The following MYRIP variants were observed in gnomAD, a reference collection of about 807,000 sequenced individuals.
The protein encoded by MYRIP is myosin VIIA and Rab interacting protein.
Under a neutral mutation model 98.0 loss-of-function variants are expected in MYRIP, and 49 were observed. The observed-to-expected ratio is 0.50, with a 90% CI of 0.40 to 0.63. MYRIP has a LOEUF of 0.63. MYRIP is among the 30% of genes least tolerant of loss of function. MYRIP has a pLI of 0.00. For synonymous variants in MYRIP, 404 were observed against 409.5 expected (o/e 0.99, Z 0.16); for missense variants, 1,004 against 1,058.2 (o/e 0.95, Z 0.71).
chr3:39,857,770 A>T (rs1336185882), intron 1 of MYRIP, among the ~76,000 whole-genome samples: 1 of 152,208 alleles, frequency 6.6e-6, no homozygotes, highest in Non-Finnish European at 1.5e-5. Flanking sequence ...CAAGAGCAAA[A>T]TTATAGTTAT....
rs1286951982 is a variant in MYRIP, at chr3:40,166,878, C to T, written c.583C>T (p.Leu195=). 5.0e-6 allele frequency: 8 copies of T among 1,613,840 alleles called. No individual in the cohort carries two copies. In the South Asian group the frequency reaches 6.6e-5, roughly 13 times the overall value. The part of the protein sequence containing the change: ...HSVMDTLAVA[L]RVAEEAIEEA... The stretch of plus-strand genomic sequence containing the variant: ...TGTGATGGACACCTTGGCTGTGGCC[C>T]TACGGGTGGCTGAAGAGGCCATTGA... The change falls in exon 6 of 17, where the codon CTA becomes TTA. Residue 195 remains leucine, a synonymous_variant. Transcript: ENST00000302541.
At chr3:40,203,996 TATATTATATATTATATATA>T (rs1419664218) in intron 10 of MYRIP, among the ~76,000 whole-genome samples, 1 of 1,042 alleles carries the variant, frequency 9.6e-4, no homozygotes, top group African/African-American at 2.5e-3. Flanking sequence ...ATATATTATA[TATATTATATATTATATATA>T]ATATATATTA....
chr3:39,879,159 T>C (rs1176462480), intron 1 of MYRIP, among the ~76,000 whole-genome samples: 1 of 151,850 alleles, frequency 6.6e-6, no homozygotes, highest in Non-Finnish European at 1.5e-5. Context: ...TATTTTATTC[T>C]TTGAGTTCTT....
At chr3:39,865,529 C>G (rs1400438111) in intron 1 of MYRIP, among the ~76,000 whole-genome samples, 3 of 152,272 alleles carry the variant, frequency 2.0e-5, no homozygotes, top group East Asian at 1.9e-4. Context: ...TTAACAGACA[C>G]TTTTCAAAAC....
chr3:39,903,392 CT>C (rs1309272189), intron 2 of MYRIP, among the ~76,000 whole-genome samples: 1 of 152,048 alleles, frequency 6.6e-6, no homozygotes, highest in African/African-American at 2.4e-5. Flanking sequence ...AATTAGTTTC[CT>C]TTTCCCCCGA....
intron 2 of MYRIP, among the ~76,000 whole-genome samples, chr3:39,911,009 G>A (rs758838104): frequency 8.6e-5 from 13 of 151,946 alleles, no homozygotes; most frequent in South Asian, 4.1e-4. Flanking sequence ...TCAGTGTTGG[G>A]TTTATTACAC....
At chr3:40,169,464 C>T (rs1435758048) in intron 7 of MYRIP, among the ~76,000 whole-genome samples, 1 of 152,172 alleles carries the variant, frequency 6.6e-6, no homozygotes, top group African/African-American at 2.4e-5. Flanking sequence ...TCTGGTGACT[C>T]TTGGTGTCTA....
At chr3:39,991,765 C>A (rs1403116069) in intron 2 of MYRIP, among the ~76,000 whole-genome samples, 2 of 152,128 alleles carry the variant, frequency 1.3e-5, no homozygotes, top group Non-Finnish European at 2.9e-5. Context: ...GTCCCCTTAT[C>A]CTGCTCTATA....
intron 3 of MYRIP, among the ~76,000 whole-genome samples, chr3:40,096,467 A>G (rs960149940): frequency 1.3e-5 from 2 of 152,230 alleles, no homozygotes; most frequent in Non-Finnish European, 2.9e-5. Flanking sequence ...TCATAAATCA[A>G]TGCAGGAACC....
Position 39,874,878 on chromosome 3 carries a change from C to T in MYRIP, c.-30-25909C>T, listed in dbSNP as rs532014791. 7.3e-3 allele frequency among the ~76,000 whole-genome samples: 1,115 copies of T among 152,150 alleles called. 10 individuals are homozygous for T. The highest frequency in any genetic ancestry group is 0.016 in the South Asian group (78 of 4,814). ...CATAAAATGAGTAAGGGAAGATTCC[C>T]TCTTTTTCTATTGATTGGAATAGTT... On this transcript the variant is annotated intron_variant, in intron 1 of 16. Coordinates refer to ENST00000302541, the MANE Select transcript of MYRIP (RefSeq NM_015460.4).
chr3:39,843,853 T>C (rs1327553112), intron 1 of MYRIP, among the ~76,000 whole-genome samples: 2 of 152,162 alleles, frequency 1.3e-5, no homozygotes, highest in African/African-American at 4.8e-5. Flanking sequence ...ATTGGAAAGA[T>C]AGATCCTCAG....
chr3:40,170,302 A>T (rs1198260793), intron 8 of MYRIP, among the ~76,000 whole-genome samples: 1 of 152,230 alleles, frequency 6.6e-6, no homozygotes, highest in Non-Finnish European at 1.5e-5. Flanking sequence ...TGATAATTAT[A>T]GAGATAGATT....
chr3:39,863,448 A>G (rs1475720992), intron 1 of MYRIP, among the ~76,000 whole-genome samples: 1 of 152,154 alleles, frequency 6.6e-6, no homozygotes, highest in Non-Finnish European at 1.5e-5. Flanking sequence ...AAACACAATA[A>G]GAAATGACAA....
At chr3:40,252,171 G>A (rs1953396896) in intron 16 of MYRIP, among the ~76,000 whole-genome samples, 172 bp downstream of exon 16, 1 of 152,104 alleles carries the variant, frequency 6.6e-6, no homozygotes, top group African/African-American at 2.4e-5. Flanking sequence ...TAAACCAAGA[G>A]CAGAGTGCTT....
At chr3:40,117,634 G>A (rs1325803233) in intron 3 of MYRIP, among the ~76,000 whole-genome samples, 4 of 152,060 alleles carry the variant, frequency 2.6e-5, no homozygotes, top group East Asian at 1.9e-4. Context: ...ATGTTCTGAC[G>A]TAGTCCATCA....
At chr3:39,812,251 A>G (rs1210390653) in intron 1 of MYRIP, among the ~76,000 whole-genome samples, 1 of 152,126 alleles carries the variant, frequency 6.6e-6, no homozygotes, top group Non-Finnish European at 1.5e-5. Flanking sequence ...TTATCAGGTT[A>G]GTTTTATTTT....
intron 2 of MYRIP, among the ~76,000 whole-genome samples, chr3:39,993,117 G>A (rs891928490): frequency 7.2e-5 from 11 of 152,144 alleles, no homozygotes; most frequent in African/African-American, 2.2e-4. Context: ...TCAGCATCTG[G>A]TAAGGGCATT....
At chr3:40,244,244 A>G (rs959137844) in intron 12 of MYRIP, among the ~76,000 whole-genome samples, 3 of 152,230 alleles carry the variant, frequency 2.0e-5, no homozygotes, top group African/African-American at 7.2e-5. Context: ...TGGGAGAGGG[A>G]AGGTGTGGTT....
At chr3:40,241,260 C>T (rs1002893563) in intron 12 of MYRIP, among the ~76,000 whole-genome samples, 2 of 152,188 alleles carry the variant, frequency 1.3e-5, no homozygotes, top group African/African-American at 4.8e-5. Flanking sequence ...TGGCAGCAGA[C>T]ACAGTAGACC....
Sources: gnomAD v4.1 joint callset for allele counts (sites outside exome capture counted in the v4.1 genomes callset) on GRCh38, gnomAD v4.1.1 for gene constraint, MANE v1.5 for transcripts, NCBI Gene and HGNC (gene_info 2026-07-23, HGNC 2026-07-21) for gene names.